Variants in NCAN observed in about 807,000 individuals in gnomAD.
The protein encoded by NCAN is neurocan core protein.
Under a neutral mutation model 121.8 loss-of-function variants are expected in NCAN, and 47 were observed. The observed-to-expected ratio is 0.39, with a 90% CI of 0.31 to 0.49. The LOEUF (loss-of-function observed/expected upper bound fraction) is 0.49. Ranked by LOEUF, NCAN falls within the 20% of genes least tolerant of loss-of-function variation. The pLI is 0.92. For missense variants in NCAN, 1,517 were observed against 1,773.4 expected (o/e 0.86, Z 2.60); for synonymous variants, 633 against 702.0 (o/e 0.90, Z 1.55).
At position 19,224,143 on chromosome 19, in the gene NCAN, G is replaced by A; in HGVS notation, c.598G>A (p.Glu200Lys). The change falls in exon 4 of 15, where the codon GAG (glutamate) becomes AAG (lysine). Residue 200 changes from glutamate (E) to lysine (K), a missense_variant. Transcript: ENST00000252575. ...AAPRHLQAAF[E>K]DGFDNCDAGW... is the part of the protein sequence containing the mutation. ...CCCTCGGCATCTACAGGCTGCCTTT[G>A]AGGATGGCTTTGACAACTGTGATGC... 3 of 1,608,078 alleles carry A rather than the reference G, an allele frequency of 1.9e-6. No individual in the cohort carries two copies. The highest frequency in any genetic ancestry group is 2.2e-5 in the East Asian group (1 of 44,660).
chr19:19,236,025 C>T (rs1015148668), intron 10 of NCAN, among the ~76,000 whole-genome samples: 1 of 152,170 alleles, frequency 6.6e-6, no homozygotes, highest in African/African-American at 2.4e-5. Flanking sequence ...GGGATTACAG[C>T]CACTGAGCCC....
At chr19:19,214,704 G>T (rs1407305677) in intron 1 of NCAN, among the ~76,000 whole-genome samples, 2 of 149,900 alleles carry the variant, frequency 1.3e-5, no homozygotes, top group African/African-American at 2.5e-5. Flanking sequence ...GAGCTATCTG[G>T]ATGTAGTCTG....
intron 12 of NCAN, among the ~76,000 whole-genome samples, chr19:19,242,262 C>T (rs781132135): frequency 8.5e-5 from 13 of 152,098 alleles, no homozygotes; most frequent in African/African-American, 3.1e-4. Context: ...GTAGCTCACA[C>T]CTGTAATCCC....
In NCAN at chr19:19,238,432, G is replaced by A. The variant is rs374508394; in HGVS notation, c.3409+21G>A. Reference sequence around the variant, plus strand: ...TAATAGTAGGGGCTCTGGGGAGGGGGCCACCTGCCTGGAGGGTGGGCAGGG... The same window carrying A: ...TAATAGTAGGGGCTCTGGGGAGGGGACCACCTGCCTGGAGGGTGGGCAGGG... On this transcript the variant is annotated intron_variant, in intron 11 of 14. Coordinates refer to ENST00000252575, the MANE Select transcript of NCAN (RefSeq NM_004386.3). The A allele has an allele frequency of 1.4e-4, 218 of 1,613,790 alleles. 1 individual carries two copies. In the African/African-American group the frequency reaches 2.5e-3, roughly 19 times the overall value.
At chr19:19,223,958 G>C in intron 3 of NCAN, 63 bp from the exon 4 acceptor site, 2 of 1,447,666 alleles carry the variant, frequency 1.4e-6, no homozygotes, top group Non-Finnish European at 1.8e-6. Flanking sequence ...GCAAGAGGTA[G>C]GTCTGTTCTT....
chr19:19,248,079 T>C (rs1313509833), intron 13 of NCAN, among the ~76,000 whole-genome samples: 2 of 151,968 alleles, frequency 1.3e-5, no homozygotes, highest in Non-Finnish European at 2.9e-5. Context: ...GCCTGGGAGG[T>C]TGAGGCTGCA....
chr19:19,228,764 C>T (rs1014545269), intron 8 of NCAN, 125 bp downstream of exon 8: 11 of 1,081,026 alleles, frequency 1.0e-5, no homozygotes, highest in Admixed American at 2.9e-5. Flanking sequence ...TCTAGTGGGG[C>T]ATGACGCTGG....
chr19:19,244,089 T>C (rs1255824132), intron 12 of NCAN, among the ~76,000 whole-genome samples: 1 of 152,140 alleles, frequency 6.6e-6, no homozygotes, highest in Non-Finnish European at 1.5e-5. Context: ...TTTTGCGCTA[T>C]ATATATTTTG....
chr19:19,233,828 G>A lies in NCAN; in HGVS notation c.3059G>A (p.Gly1020Glu), dbSNP rs1339852495. 1.9e-6 allele frequency: 3 copies of A among 1,614,060 alleles called. No homozygotes were observed. The highest frequency in any genetic ancestry group is 1.3e-5 in the African/African-American group (1 of 75,032). ...DPCENNPCLH[G>E]GTCNANGTMY... ...TGTGAGAACAACCCTTGTCTTCATG[G>A]AGGGACATGTAATGCCAATGGCACC... Residue 1020 changes from glycine (G) to glutamate (E), a missense_variant, in exon 9 of 15, where the codon GGA (glycine) becomes GAA (glutamate). By Grantham distance (98) the Gly-to-Glu change is moderately conservative. Coordinates refer to ENST00000252575, the MANE Select transcript of NCAN (RefSeq NM_004386.3).
At position 19,212,336 on chromosome 19, in the gene NCAN, A is replaced by G. The variant is rs2060778359; in HGVS notation, c.-8+272A>G. ...GGGGGCCGGGCTGGGGGTGGGTCTCAGGGTTGAGGAGGGAGCAATGGGAAA... is the reference window on the plus strand; with the variant it reads ...GGGGGCCGGGCTGGGGGTGGGTCTCGGGGTTGAGGAGGGAGCAATGGGAAA... On this transcript the variant is annotated intron_variant, in intron 1 of 14. Transcript: ENST00000252575. The surrounding 1 kb of genome is among the most constrained non-coding windows in gnomAD (Gnocchi z 4.5). 6.6e-6 allele frequency among the ~76,000 whole-genome samples: 1 copy of G among 151,040 alleles called. No individual in the cohort carries two copies. Among genetic ancestry groups the G allele is most frequent in the Non-Finnish European group, 1.5e-5 (1 of 67,708 alleles).
At chr19:19,213,190 C>T (rs1020650884) in intron 1 of NCAN, among the ~76,000 whole-genome samples, 3 of 152,078 alleles carry the variant, frequency 2.0e-5, no homozygotes, top group Admixed American at 6.5e-5. Context: ...ACCCAGCCGT[C>T]GCAATAGCTG....
In NCAN at chr19:19,228,062, G is replaced by A; in HGVS notation, c.2442G>A (p.Leu814=). The A allele has an allele frequency of 1.2e-6, 2 of 1,613,496 alleles. No homozygotes were observed. Among genetic ancestry groups the A allele is most frequent in the Non-Finnish European group, 1.7e-6 (2 of 1,180,012 alleles). The part of the protein sequence containing the change: ...VFLVPKVTPN[L]EPWVATDEGP... ...TGGTACCCAAAGTCACCCCAAATTT[G>A]GAGCCTTGGGTTGCTACAGATGAAG... The change falls in exon 8 of 15, where the codon TTG becomes TTA. Residue 814 remains leucine, a synonymous_variant. Transcript: ENST00000252575.
At chr19:19,217,166 T>G in intron 2 of NCAN, 140 bp downstream of exon 2, 1 of 575,344 alleles carries the variant, frequency 1.7e-6, no homozygotes, top group Non-Finnish European at 2.7e-6. Flanking sequence ...TAAAAGGTCT[T>G]TGAACAGTCA....
chr19:19,223,923 TC>T, intron 3 of NCAN, 97 bp from the exon 4 acceptor site: 1 of 1,260,018 alleles, frequency 7.9e-7, no homozygotes, highest in Non-Finnish European at 1.1e-6. Flanking sequence ...TCTATTATTA[TC>T]AGACAGGGGT....
chr19:19,220,386 GTTAAT>G (rs1016236895), intron 3 of NCAN, among the ~76,000 whole-genome samples: 3 of 145,834 alleles, frequency 2.1e-5, no homozygotes, highest in African/African-American at 7.5e-5. Context: ...TTAAAAGTAA[GTTAAT>G]TTAAGATGTA....
rs56231208 is a variant in NCAN, at chr19:19,219,672, C to CAAAAAAAAA, written c.475+368_475+376dup. 2.4e-4 allele frequency among the ~76,000 whole-genome samples: 12 copies of CAAAAAAAAA among 49,216 alleles called. 1 individual carries two copies. The highest frequency in any genetic ancestry group is 7.3e-4 in the African/African-American group (8 of 10,908). The allele number at this position is 49,216 out of a possible 152,430, so 32.3% of individuals were successfully genotyped here. The stretch of plus-strand genomic sequence containing the variant: ...TGGATGACAGAGGGAGACCCTGTCA[C>CAAAAAAAAA]AAAAAAAAAAAAAAAAAAAAGGAAA... On this transcript the variant is annotated intron_variant, in intron 3 of 14. Transcript: ENST00000252575.
chr19:19,240,498 A>G, intron 11 of NCAN, 105 bp from the exon 12 acceptor site: 1 of 1,044,916 alleles, frequency 9.6e-7, no homozygotes, highest in Non-Finnish European at 1.5e-6. Flanking sequence ...GGGGAAGGTG[A>G]GGAATTCTTT....
Position 19,216,946 on chromosome 19 carries a change from G to C in NCAN, c.-7-1G>C. ...CTCCCTCCCTCTCCATTTTGTTCCA[G>C]ATCCAGGATGGGGGCCCCGTTTGTC... On this transcript the variant is annotated splice_acceptor_variant, in intron 1 of 14. Transcript: ENST00000252575. LOFTEE classifies it low-confidence loss of function (5UTR_SPLICE). 3.0e-6 allele frequency: 4 copies of C among 1,311,650 alleles called. No individual in the cohort carries two copies. Among genetic ancestry groups the C allele is most frequent in the Non-Finnish European group, 3.9e-6 (4 of 1,020,848 alleles). The allele number at this position is 1,311,650 out of a possible 1,614,324, so 81.3% of individuals were successfully genotyped here. A position where few individuals can be genotyped will look rare whatever the true frequency, so the allele number is the denominator to read the frequency against.
intron 11 of NCAN, chr19:19,238,861 A>G (rs2060891485): frequency 3.6e-6 from 1 of 274,836 alleles, no homozygotes; most frequent in East Asian, 9.6e-5. Flanking sequence ...AAGCACCTGT[A>G]ATGTGTTCAA....
Sources: gnomAD v4.1 joint callset for allele counts (sites outside exome capture counted in the v4.1 genomes callset) on GRCh38, gnomAD v4.1.1 for gene constraint, Gnocchi (gnomAD v3.1) non-coding constraint, MANE v1.5 for transcripts, NCBI Gene and HGNC (gene_info 2026-07-23, HGNC 2026-07-21) for gene names.